The following GRM7 variants were observed in gnomAD, a reference collection of about 807,000 sequenced individuals.
GRM7 encodes glutamate metabotropic receptor 7, also known as metabotropic glutamate receptor 7.
Under a neutral mutation model 84.5 loss-of-function variants are expected in GRM7, and 35 were observed. The observed-to-expected ratio is 0.41, with a 90% CI of 0.32 to 0.55. The LOEUF (loss-of-function observed/expected upper bound fraction) is 0.55, where lower values mean the gene tolerates loss of function less well. Ranked by LOEUF, GRM7 falls within the 20% of genes least tolerant of loss-of-function variation. The pLI, the probability that GRM7 is intolerant of heterozygous loss-of-function variation, is 0.19. For synonymous variants in GRM7, 487 were observed against 455.1 expected (o/e 1.07, Z -0.89); for missense variants, 1,003 against 1,194.6 (o/e 0.84, Z 2.36).
intron 9 of GRM7, among the ~76,000 whole-genome samples, chr3:7,733,308 A>C (rs912690229): frequency 4.6e-5 from 7 of 152,210 alleles, no homozygotes; most frequent in Non-Finnish European, 1.0e-4. Flanking sequence ...ATTAAGCGAA[A>C]GGAAAGCTCT....
At chr3:7,633,298 G>T (rs1245130159) in intron 8 of GRM7, among the ~76,000 whole-genome samples, 1 of 152,214 alleles carries the variant, frequency 6.6e-6, no homozygotes, top group Admixed American at 6.5e-5. Context: ...TCATAATGAG[G>T]TAGGTATTAT....
chr3:7,056,716 C>T (rs371201453), intron 1 of GRM7, among the ~76,000 whole-genome samples: 1 of 152,024 alleles, frequency 6.6e-6, no homozygotes, highest in East Asian at 2.0e-4. Context: ...GCCACATTAC[C>T]TATATTTATT....
At chr3:7,069,329 C>T (rs1191189719) in intron 1 of GRM7, among the ~76,000 whole-genome samples, 1 of 151,898 alleles carries the variant, frequency 6.6e-6, no homozygotes, top group African/African-American at 2.4e-5. Flanking sequence ...GAGCTGTGGC[C>T]TTCAGTAGAA....
chr3:6,931,730 C>A lies in GRM7; in HGVS notation c.519+69823C>A, dbSNP rs191279041. Among the ~76,000 whole-genome samples, 7 of 152,192 alleles carry A rather than the reference C, an allele frequency of 4.6e-5. No homozygotes were observed. In the East Asian group the frequency reaches 9.6e-4, roughly 21 times the overall value. Reference sequence around the variant, plus strand: ...ATATGTTTATTTGTGTATTTATTACCCCCTGCACCAAATGCTAAACTCAGT... The same window carrying A: ...ATATGTTTATTTGTGTATTTATTACACCCTGCACCAAATGCTAAACTCAGT... On this transcript the variant is annotated intron_variant, in intron 1 of 9. Coordinates refer to ENST00000357716, the MANE Select transcript of GRM7 (RefSeq NM_000844.4).
intron 1 of GRM7, among the ~76,000 whole-genome samples, chr3:6,925,476 C>A (rs1697266741): frequency 1.3e-5 from 2 of 152,152 alleles, no homozygotes; most frequent in Admixed American, 6.5e-5. Context: ...AAACTCAGCA[C>A]CCTCCTCAGA....
At chr3:7,038,024 G>A (rs1452780349) in intron 1 of GRM7, among the ~76,000 whole-genome samples, 2 of 152,028 alleles carry the variant, frequency 1.3e-5, no homozygotes, top group Non-Finnish European at 2.9e-5. Context: ...ATAATAAATA[G>A]CATCATTTCA....
At chr3:7,637,442 A>G (rs1405971668) in intron 8 of GRM7, among the ~76,000 whole-genome samples, 1 of 152,252 alleles carries the variant, frequency 6.6e-6, no homozygotes, top group Non-Finnish European at 1.5e-5. Flanking sequence ...GTTGTCATTC[A>G]GGACGGATCG....
intron 1 of GRM7, among the ~76,000 whole-genome samples, chr3:7,110,379 T>C (rs1251325131): frequency 6.6e-6 from 1 of 152,054 alleles, no homozygotes; most frequent in Non-Finnish European, 1.5e-5. Flanking sequence ...GGTGGGTGTA[T>C]CACTTCAGGT....
intron 9 of GRM7, among the ~76,000 whole-genome samples, chr3:7,711,999 T>C (rs1246625642): frequency 1.3e-5 from 2 of 152,224 alleles, no homozygotes; most frequent in African/African-American, 4.8e-5. Context: ...TCATGACATA[T>C]GACTGAGCCA....
At chr3:7,198,029 A>G (rs2125111055) in intron 2 of GRM7, among the ~76,000 whole-genome samples, 1 of 152,138 alleles carries the variant, frequency 6.6e-6, no homozygotes, top group East Asian at 1.9e-4. Context: ...CTGTGCATTT[A>G]GGTTTTGTTT....
At chr3:7,293,858 C>T (rs886299418) in intron 2 of GRM7, among the ~76,000 whole-genome samples, 1 of 152,134 alleles carries the variant, frequency 6.6e-6, no homozygotes, top group Non-Finnish European at 1.5e-5. Context: ...AAATTTTAAA[C>T]CTGCCACATT....
chr3:7,494,799 CATA>C (rs1351447745), intron 7 of GRM7, among the ~76,000 whole-genome samples: 2 of 152,136 alleles, frequency 1.3e-5, no homozygotes, highest in African/African-American at 2.4e-5. Context: ...GGTTCTTTTT[CATA>C]ATATTATTTC....
At chr3:7,245,601 A>G (rs1320654079) in intron 2 of GRM7, among the ~76,000 whole-genome samples, 1 of 152,060 alleles carries the variant, frequency 6.6e-6, no homozygotes, top group African/African-American at 2.4e-5. Context: ...TCAAAAATGA[A>G]GTTGAAATGA....
chr3:7,701,385 C>G (rs1036876531), intron 9 of GRM7, among the ~76,000 whole-genome samples: 2 of 149,912 alleles, frequency 1.3e-5, no homozygotes, highest in Non-Finnish European at 3.0e-5. Flanking sequence ...ACTACAAGCT[C>G]CGTCTCCTGG....
At chr3:7,039,907 A>G (rs1696532230) in intron 1 of GRM7, among the ~76,000 whole-genome samples, 2 of 152,174 alleles carry the variant, frequency 1.3e-5, no homozygotes, top group African/African-American at 4.8e-5. Context: ...TGGCATTTTT[A>G]AAACAAAACG....
intron 4 of GRM7, among the ~76,000 whole-genome samples, chr3:7,378,497 T>A (rs1296168283): frequency 6.6e-6 from 1 of 152,078 alleles, no homozygotes; most frequent in Non-Finnish European, 1.5e-5. Flanking sequence ...GTCTTGGGAG[T>A]TAAGGGACTA....
At chr3:7,660,910 A>G (rs1396924206) in intron 8 of GRM7, among the ~76,000 whole-genome samples, 5 of 152,232 alleles carry the variant, frequency 3.3e-5, no homozygotes, top group African/African-American at 1.2e-4. Context: ...GAGTAATAGT[A>G]ATATCCAAAA....
chr3:6,948,207 C>T (rs535347403), intron 1 of GRM7, among the ~76,000 whole-genome samples: 1 of 152,032 alleles, frequency 6.6e-6, no homozygotes, highest in East Asian at 1.9e-4. Context: ...TGTAAATTTC[C>T]CTCTACACAC....
chr3:7,504,898 A>G lies in GRM7; in HGVS notation c.1515+43176A>G, dbSNP rs184226505. ...GCCCCACAGTCTTAACCATTCCAGT[A>G]TCAACTCAAAGTCCAAAGTCCAGAG... is the stretch of plus-strand genomic sequence containing the variant. On this transcript the variant is annotated intron_variant, in intron 7 of 9. Coordinates refer to ENST00000357716, the MANE Select transcript of GRM7 (RefSeq NM_000844.4). Among the ~76,000 whole-genome samples the G allele has an allele frequency of 3.5e-3, 540 of 152,316 alleles. 2 individuals carry two copies. The highest frequency in any genetic ancestry group is 4.6e-3 in the Non-Finnish European group (312 of 68,016).
Sources: allele counts gnomAD v4.1 joint callset (sites outside exome capture counted in the v4.1 genomes callset), GRCh38; gene constraint gnomAD v4.1.1; transcripts MANE v1.5; gene names NCBI Gene and HGNC (gene_info 2026-07-23, HGNC 2026-07-21).